EIF4A2: variants seen among roughly 807,000 people sequenced by gnomAD.
EIF4A2 encodes the protein eukaryotic initiation factor 4A-II.
A neutral mutation model predicts 50.6 loss-of-function variants in EIF4A2; 9 were observed. That is an observed-to-expected ratio of 0.18 (90% CI 0.11 to 0.31). The LOEUF (loss-of-function observed/expected upper bound fraction) is 0.31. Ranked by LOEUF, EIF4A2 falls within the 10% of genes least tolerant of loss-of-function variation. The pLI is 1.00. For synonymous variants in EIF4A2, 215 were observed against 164.4 expected (o/e 1.31, Z -2.35); for missense variants, 182 against 501.8 (o/e 0.36, Z 6.09).
At chr3:186,787,376 A>C (rs1164501756) in intron 8 of EIF4A2, 112 bp downstream of exon 8, 3 of 1,609,476 alleles carry the variant, frequency 1.9e-6, no homozygotes, top group Non-Finnish European at 2.6e-6. Context: ...GTTGTTTCTT[A>C]ACTATACCTG....
intron 7 of EIF4A2, 67 bp downstream of exon 7, chr3:186,786,712 C>G (rs757643215): frequency 3.1e-5 from 49 of 1,601,172 alleles, no homozygotes; most frequent in Non-Finnish European, 3.9e-5. Context: ...ATTGCAGACA[C>G]TAGGACCATG....
rs1434622162 is a variant in EIF4A2 at position 186,787,853 on chromosome 3, A to G, written c.1050A>G (p.Leu350=). The G allele has an allele frequency of 2.2e-5, 36 of 1,613,824 alleles. No homozygotes were observed. Among genetic ancestry groups the G allele is most frequent in the Non-Finnish European group, 3.1e-5 (36 of 1,179,958 alleles). ...QQVSLVINYD[L]PTNRENYIHR... is the part of the protein sequence containing the mutation. ...TGTCTTTGGTTATAAATTATGATCT[A>G]CCTACCAATCGTGAAAACTATATTC... The change falls in exon 10 of 11, where the codon CTA becomes CTG. Residue 350 remains leucine (L), a synonymous_variant. Coordinates refer to ENST00000323963, the MANE Select transcript of EIF4A2 (RefSeq NM_001967.4).
Position 186,788,717 on chromosome 3 carries a change from T to C in EIF4A2, c.1080-408T>C. 2.2e-5 allele frequency: 5 copies of C among 230,238 alleles called. No homozygotes were observed. In the South Asian group the frequency reaches 2.3e-4, roughly 11 times the overall value. 14.3% of individuals were successfully genotyped at this position (230,238 alleles called of 1,614,324 possible). A position where few individuals can be genotyped will look rare whatever the true frequency, so the allele number is the denominator to read the frequency against. On this transcript the variant is annotated intron_variant, in intron 10 of 10. Transcript: ENST00000323963. ...AAATAGTTAACCTTTGCAGCATTTG[T>C]TTACAGTTTACAGTTCCAGAAGTGC... is the stretch of plus-strand genomic sequence containing the variant.
At chr3:186,789,020 A>AT in intron 10 of EIF4A2, 105 bp from the exon 11 acceptor site, 1 of 1,467,478 alleles carries the variant, frequency 6.8e-7, no homozygotes, top group Non-Finnish European at 9.1e-7. Context: ...CACGAACTAT[A>AT]ACCTTGATAA....
At chr3:186,785,141 C>G (rs1721613986) in intron 4 of EIF4A2, 40 bp downstream of exon 4, 1 of 1,610,216 alleles carries the variant, frequency 6.2e-7, no homozygotes, top group African/African-American at 1.3e-5. Flanking sequence ...TTGCGTGTTG[C>G]ATAGGTTTCA....
chr3:186,788,703 C>G (rs538995420), intron 10 of EIF4A2: 258 of 231,324 alleles, frequency 1.1e-3, no homozygotes, highest in Middle Eastern at 5.3e-3. Context: ...AATAGTTAAC[C>G]TTTGCAGCAT....
Position 186,788,400 on chromosome 3 carries a change from G to A in EIF4A2, c.1079+518G>A, listed in dbSNP as rs961614356. 3.6e-5 allele frequency: 46 copies of A among 1,278,990 alleles called. No homozygotes were observed. The Middle Eastern group carries it at 1.1e-3, about 30-fold the overall frequency. 79.2% of individuals were successfully genotyped at this position (1,278,990 alleles called of 1,614,324 possible). On this transcript the variant is annotated intron_variant, in intron 10 of 10. Coordinates refer to ENST00000323963, the MANE Select transcript of EIF4A2 (RefSeq NM_001967.4). ...GGAATCATAAGCGAAACAGCACACT[G>A]TTTGAATAAAGAGCGAGTCGGTATT...
chr3:186,783,917 G>A (rs1721521468), intron 1 of EIF4A2: 1 of 464,946 alleles, frequency 2.2e-6, no homozygotes, highest in South Asian at 3.5e-5. Context: ...CGGGAAACAT[G>A]GAGTAAAAAG....
chr3:186,787,090 C>CT, intron 7 of EIF4A2, 37 bp from the exon 8 acceptor site: 2 of 1,610,682 alleles, frequency 1.2e-6, no homozygotes, highest in Non-Finnish European at 1.7e-6. Flanking sequence ...GTTGGAAAAA[C>CT]TAAATGACTG....
At chr3:186,788,025 A>AG in intron 10 of EIF4A2, 143 bp downstream of exon 10, 1 of 933,586 alleles carries the variant, frequency 1.1e-6, no homozygotes, top group East Asian at 2.6e-5. Flanking sequence ...AATTTGTACT[A>AG]GGGAAGGTTG....
At chr3:186,784,386 G>A (rs1364537371) in intron 1 of EIF4A2, 46 bp from the exon 2 acceptor site, 1 of 1,613,980 alleles carries the variant, frequency 6.2e-7, no homozygotes, top group Admixed American at 1.7e-5. Context: ...AGGTGCAGTT[G>A]AGGTGGCCTG....
chr3:186,785,183 G>A (rs1040598096), intron 4 of EIF4A2, 82 bp downstream of exon 4: 108 of 1,566,638 alleles, frequency 6.9e-5, no homozygotes, highest in Middle Eastern at 3.4e-4. Context: ...TTAAAACTTA[G>A]TATAAATTGG....
chr3:186,787,435 G>T, intron 8 of EIF4A2, 60 bp from the exon 9 acceptor site: 1 of 1,610,468 alleles, frequency 6.2e-7, no homozygotes, highest in South Asian at 1.1e-5. Flanking sequence ...CATACATGTT[G>T]ATTAAAATTA....
At chr3:186,786,429 C>G (rs1016760481) in intron 6 of EIF4A2, 73 bp from the exon 7 acceptor site, 7 of 1,574,428 alleles carry the variant, frequency 4.4e-6, no homozygotes, top group Non-Finnish European at 5.2e-6. Context: ...AAGACAGAGA[C>G]GCTTGGCTTC....
chr3:186,784,856 T>C, intron 3 of EIF4A2, 106 bp from the exon 4 acceptor site: 1 of 1,599,944 alleles, frequency 6.3e-7, no homozygotes, highest in Non-Finnish European at 8.5e-7. Context: ...TACTCATTGC[T>C]GATCACTTGA....
rs1351125602 is a variant in EIF4A2, at chr3:186,786,840, T to C, written c.771+195T>C. 7 of 907,376 alleles carry C rather than the reference T, an allele frequency of 7.7e-6. No homozygotes were observed. In the Admixed American group the frequency reaches 1.2e-4, roughly 16 times the overall value. 56.2% of individuals were successfully genotyped at this position (907,376 alleles called of 1,614,324 possible). On this transcript the variant is annotated intron_variant, in intron 7 of 10. Coordinates refer to ENST00000323963, the MANE Select transcript of EIF4A2 (RefSeq NM_001967.4). Reference sequence around the variant, plus strand: ...GTCCAATGTCCTTTGTCTTAAGATTTGGTGCAATATCTCATTAGACCTAAC... The same window carrying C: ...GTCCAATGTCCTTTGTCTTAAGATTCGGTGCAATATCTCATTAGACCTAAC...
rs960682898 is a variant in EIF4A2, at chr3:186,783,621, G to T, written c.11G>T (p.Gly4Val). The change falls in exon 1 of 11, where the codon GGC becomes GTC. Residue 4 changes from glycine (G) to valine (V), a missense_variant. Physicochemically the swap from Gly to Val is moderately radical, Grantham distance 109. Around this residue, in one of 7 missense-constraint regions of EIF4A2, gnomAD observed 43 missense variants for 22.2 expected, o/e 1.93. Coordinates refer to ENST00000323963, the MANE Select transcript of EIF4A2 (RefSeq NM_001967.4). MSGGSADYNREHGG... is the reference protein window; with the variant it reads MSGVSADYNREHGG... ...GTGGTTTTTCGGATCATGTCTGGTGGCTCCGCGGATTATAACAGGTATGCA... is the reference window on the plus strand; with the variant it reads ...GTGGTTTTTCGGATCATGTCTGGTGTCTCCGCGGATTATAACAGGTATGCA... 6.2e-7 allele frequency: 1 copy of T among 1,614,156 alleles called. No individual in the cohort carries two copies. Among genetic ancestry groups the T allele is most frequent in the Middle Eastern group, 1.6e-4 (1 of 6,062 alleles).
At chr3:186,785,745 A>G in intron 4 of EIF4A2, 138 bp from the exon 5 acceptor site, 1 of 1,131,472 alleles carries the variant, frequency 8.8e-7, no homozygotes, top group Non-Finnish European at 1.2e-6. Context: ...GGTCGTCTGC[A>G]TTTTAAGCTT....
intron 8 of EIF4A2, 101 bp downstream of exon 8, chr3:186,787,365 AGTT>A (rs1299022498): frequency 4.3e-6 from 7 of 1,611,368 alleles, no homozygotes; most frequent in Non-Finnish European, 5.9e-6. Context: ...CTTAAAATAA[AGTT>A]GTTTCTTAAC....
Sources: gnomAD v4.1 joint callset for allele counts on GRCh38, gnomAD v4.1.1 for gene constraint, gnomAD v4.1.1 regional missense constraint, MANE v1.5 for transcripts, NCBI Gene and HGNC (gene_info 2026-07-23, HGNC 2026-07-21) for gene names.